GRM1: variants seen among roughly 807,000 people sequenced by gnomAD.
The protein encoded by GRM1 is glutamate metabotropic receptor 1.
Under a neutral mutation model 90.9 loss-of-function variants are expected in GRM1, and 33 were observed. That is an observed-to-expected ratio of 0.36 (90% CI 0.28 to 0.49). The LOEUF is 0.49. Among genes scored for constraint, GRM1 ranks in the 20% least tolerant of loss-of-function variants. The probability of loss-of-function intolerance (pLI) is 0.99; values close to 1 mark genes in which losing one functional copy is unlikely to be tolerated. For synonymous variants in GRM1, 700 were observed against 613.2 expected, an observed-to-expected ratio of 1.14 and a Z score of -2.09; for missense variants, 1,190 against 1,534.3, an observed-to-expected ratio of 0.78 and a Z score of 3.75.
intron 1 of GRM1, among the ~76,000 whole-genome samples, chr6:146,119,519 C>T (rs1306911803): frequency 6.6e-6 from 1 of 152,116 alleles, no homozygotes; most frequent in African/African-American, 2.4e-5. Flanking sequence ...CTTGCCCATG[C>T]CTATGTCCTG....
At chr6:146,396,446 C>G (rs1381972586) in intron 6 of GRM1, among the ~76,000 whole-genome samples, 2 of 152,150 alleles carry the variant, frequency 1.3e-5, no homozygotes, top group East Asian at 3.9e-4. Context: ...AGTGACCTAC[C>G]ACTTTTGGCA....
rs576061308 is a variant in GRM1, at chr6:146,195,762, C to T, written c.950+36165C>T. ...AGATGCACAGCAAGATAAAGAAAGGCGATAGAGAGGGAATAAACATGGAGA... is the reference window on the plus strand; with the variant it reads ...AGATGCACAGCAAGATAAAGAAAGGTGATAGAGAGGGAATAAACATGGAGA... On this transcript the variant is annotated intron_variant, in intron 2 of 7. Transcript: ENST00000282753. 7.9e-5 allele frequency among the ~76,000 whole-genome samples: 12 copies of T among 152,148 alleles called. No individual in the cohort carries two copies. The South Asian group carries it at 1.9e-3, about 24-fold the overall frequency.
rs943549782 is a variant in GRM1, at chr6:146,418,489, G to A, written c.2661-15383G>A. On this transcript the variant is annotated intron_variant, in intron 7 of 7. Coordinates refer to ENST00000282753, the MANE Select transcript of GRM1 (RefSeq NM_001278064.2). ...ATACCTAGAAAGAAAAATCACCACT[G>A]ATATTTTTATGTATATCCTCATTTT... 6.6e-5 allele frequency among the ~76,000 whole-genome samples: 10 copies of A among 151,570 alleles called. 1 individual carries two copies. The highest frequency in any genetic ancestry group is 1.7e-4 in the African/African-American group (7 of 41,320).
intron 1 of GRM1, among the ~76,000 whole-genome samples, chr6:146,047,827 GA>G (rs1195157494): frequency 6.6e-6 from 1 of 152,014 alleles, no homozygotes; most frequent in African/African-American, 2.4e-5. Flanking sequence ...TCTTAATCCA[GA>G]AGAATGGTTA....
rs143486714 is a variant in GRM1 at position 146,340,100 on chromosome 6, G to A, written c.1187-12150G>A. ...CATTTCTGCCTTCACTTTAGATTCT[G>A]TGAGCTTTCAGGGGGCACTACTGAA... On this transcript the variant is annotated intron_variant, in intron 3 of 7. Coordinates refer to ENST00000282753, the MANE Select transcript of GRM1 (RefSeq NM_001278064.2). 2.8e-3 allele frequency among the ~76,000 whole-genome samples: 427 copies of A among 152,290 alleles called. 2 individuals are homozygous for A. Among genetic ancestry groups the A allele is most frequent in the African/African-American group, 9.5e-3 (395 of 41,550 alleles).
chr6:146,071,250 G>A (rs916230247), intron 1 of GRM1, among the ~76,000 whole-genome samples: 4 of 152,232 alleles, frequency 2.6e-5, no homozygotes, highest in Admixed American at 6.5e-5. Flanking sequence ...GGCAGCTTCC[G>A]TCTAGTTCTC....
At chr6:146,204,297 T>C (rs978350895) in intron 2 of GRM1, among the ~76,000 whole-genome samples, 1 of 152,256 alleles carries the variant, frequency 6.6e-6, no homozygotes, top group Admixed American at 6.5e-5. Context: ...CACAGAAGTT[T>C]CTATTGATGA....
chr6:146,228,438 C>T (rs1780327865), intron 2 of GRM1, among the ~76,000 whole-genome samples: 1 of 152,116 alleles, frequency 6.6e-6, no homozygotes, highest in African/African-American at 2.4e-5. Context: ...ATAATGAACC[C>T]ATTCCCAAAA....
At chr6:146,319,043 G>T (rs1039510375) in intron 3 of GRM1, among the ~76,000 whole-genome samples, 1 of 152,200 alleles carries the variant, frequency 6.6e-6, no homozygotes, top group East Asian at 1.9e-4. Flanking sequence ...ATTGCTTTTG[G>T]TATTTTACTC....
chr6:146,166,588 G>A (rs770189773), intron 2 of GRM1, among the ~76,000 whole-genome samples: 2 of 152,128 alleles, frequency 1.3e-5, no homozygotes, highest in Non-Finnish European at 2.9e-5. Flanking sequence ...GTCTTCTCCT[G>A]CTGCCCAAAT....
intron 6 of GRM1, among the ~76,000 whole-genome samples, chr6:146,393,384 AT>A (rs1205036731): frequency 6.6e-6 from 1 of 151,360 alleles, no homozygotes; most frequent in African/African-American, 2.4e-5. Context: ...CAGTTGTTTT[AT>A]TTTTTCTTGT....
At chr6:146,346,693 C>T (rs1785202042) in intron 3 of GRM1, among the ~76,000 whole-genome samples, 1 of 152,148 alleles carries the variant, frequency 6.6e-6, no homozygotes, top group South Asian at 2.1e-4. Context: ...CCTGATTAAT[C>T]TTCCTTCAAT....
Position 146,133,459 on chromosome 6 carries a change from G to C in GRM1, c.701-25889G>C, listed in dbSNP as rs1365470981. On this transcript the variant is annotated intron_variant, in intron 1 of 7. Transcript: ENST00000282753. Reference sequence around the variant, plus strand: ...AAGATATGGCATATAGATTAGGGGAGATGACAGAGGATGATTTCCATTCTG... The same window carrying C: ...AAGATATGGCATATAGATTAGGGGACATGACAGAGGATGATTTCCATTCTG... Among the ~76,000 whole-genome samples the C allele has an allele frequency of 2.0e-5, 3 of 152,216 alleles. No homozygotes were observed. The South Asian group carries it at 6.2e-4, about 31-fold the overall frequency.
chr6:146,338,729 T>C (rs1784864355), intron 3 of GRM1, among the ~76,000 whole-genome samples: 1 of 152,196 alleles, frequency 6.6e-6, no homozygotes, highest in African/African-American at 2.4e-5. Context: ...CAGTGGAATG[T>C]TATGGGGGTA....
chr6:146,046,523 A>G (rs2128845186), intron 1 of GRM1, among the ~76,000 whole-genome samples: 1 of 151,966 alleles, frequency 6.6e-6, no homozygotes, highest in Middle Eastern at 3.4e-3. Context: ...CTACTGTCTG[A>G]TTTTCTTCCA....
intron 3 of GRM1, among the ~76,000 whole-genome samples, chr6:146,339,576 A>T (rs971415947): frequency 2.0e-5 from 3 of 152,226 alleles, no homozygotes; most frequent in African/African-American, 7.2e-5. Context: ...AGTCACCATC[A>T]ATAATAATCA....
At chr6:146,089,348 A>C (rs1247206910) in intron 1 of GRM1, among the ~76,000 whole-genome samples, 1 of 152,118 alleles carries the variant, frequency 6.6e-6, no homozygotes, top group African/African-American at 2.4e-5. Context: ...ATTCTTTCCC[A>C]GTCAAAACAT....
intron 1 of GRM1, among the ~76,000 whole-genome samples, chr6:146,142,500 C>A (rs1239922604): frequency 2.6e-5 from 4 of 152,072 alleles, no homozygotes; most frequent in African/African-American, 9.7e-5. Context: ...TTCCCCCAGG[C>A]CTGGGTGGAT....
intron 1 of GRM1, among the ~76,000 whole-genome samples, chr6:146,118,651 C>G (rs1775858021): frequency 6.6e-6 from 1 of 152,162 alleles, no homozygotes; most frequent in African/African-American, 2.4e-5. Flanking sequence ...TCCAGGTGTT[C>G]TCATTGTTCA....
Sources: allele counts gnomAD v4.1 joint callset (sites outside exome capture counted in the v4.1 genomes callset), GRCh38; gene constraint gnomAD v4.1.1; transcripts MANE v1.5; gene names NCBI Gene and HGNC (gene_info 2026-07-23, HGNC 2026-07-21).